CADM2: variants seen among roughly 807,000 people sequenced by gnomAD.
The protein encoded by CADM2 is cell adhesion molecule 2.
CADM2 carries 12 observed loss-of-function variants against 49.8 expected under a neutral mutation model. The ratio of observed to expected loss-of-function variants is 0.24; its 90% CI spans 0.15 to 0.39. The LOEUF is 0.39. Ranked by LOEUF, CADM2 falls within the 10% of genes least tolerant of loss-of-function variation. CADM2 has a pLI of 1.00. For missense variants in CADM2, 378 were observed against 492.3 expected, an observed-to-expected ratio of 0.77 and a Z score of 2.20; for synonymous variants, 214 against 175.4, an observed-to-expected ratio of 1.22 and a Z score of -1.74.
At chr3:85,345,175 C>T (rs949823525) in intron 1 of CADM2, among the ~76,000 whole-genome samples, 3 of 151,610 alleles carry the variant, frequency 2.0e-5, no homozygotes, top group African/African-American at 7.3e-5. Flanking sequence ...GTTAGCTGAG[C>T]ATGGTGTGTG....
chr3:85,892,461 G>A (rs538985056), intron 5 of CADM2, among the ~76,000 whole-genome samples: 1 of 152,096 alleles, frequency 6.6e-6, no homozygotes, highest in African/African-American at 2.4e-5. Flanking sequence ...GGAAGGACTT[G>A]GTGGGAGGTA....
At chr3:85,148,195 G>A (rs970094042) in intron 1 of CADM2, among the ~76,000 whole-genome samples, 5 of 152,086 alleles carry the variant, frequency 3.3e-5, no homozygotes, top group African/African-American at 1.2e-4. Flanking sequence ...GATTCTCTCA[G>A]CTGTACGGGC....
intron 1 of CADM2, among the ~76,000 whole-genome samples, chr3:85,325,871 A>G (rs2044738046): frequency 6.6e-6 from 1 of 152,182 alleles, no homozygotes; most frequent in Non-Finnish European, 1.5e-5. Context: ...AAAATGAGTA[A>G]AATTCTTATA....
In CADM2 at chr3:84,968,471, A is replaced by T. The variant is rs529231930; in HGVS notation, c.61+8803A>T. Among the ~76,000 whole-genome samples the T allele has an allele frequency of 3.5e-4, 53 of 152,106 alleles. No homozygotes were observed. The Middle Eastern group carries it at 0.01, about 29-fold the overall frequency. On this transcript the variant is annotated intron_variant, in intron 1 of 9. Transcript: ENST00000383699. ...GGCTGTAAGTTCACTGTCATGTATT[A>T]ATGTGTAGGTGGTATTCAGAGAAGG...
intron 1 of CADM2, among the ~76,000 whole-genome samples, chr3:85,636,938 T>C (rs989849274): frequency 6.6e-6 from 1 of 152,176 alleles, no homozygotes; most frequent in Non-Finnish European, 1.5e-5. Context: ...TCTCAGAATG[T>C]ATTCCTAACA....
chr3:86,020,552 C>G (rs969943489), intron 8 of CADM2, among the ~76,000 whole-genome samples: 3 of 151,116 alleles, frequency 2.0e-5, no homozygotes, highest in Non-Finnish European at 4.4e-5. Context: ...AATTTTAGAC[C>G]AATATCCTTG....
chr3:85,291,265 C>G (rs949683908), intron 1 of CADM2, among the ~76,000 whole-genome samples: 4 of 151,846 alleles, frequency 2.6e-5, no homozygotes, highest in African/African-American at 9.7e-5. Context: ...ATGAGCAAAG[C>G]CTCCAAGAAA....
At chr3:85,371,276 C>T (rs2033207143) in intron 1 of CADM2, among the ~76,000 whole-genome samples, 2 of 152,086 alleles carry the variant, frequency 1.3e-5, no homozygotes, top group Admixed American at 1.3e-4. Flanking sequence ...AGAGAAGCTT[C>T]CAGTCCTGCA....
chr3:85,849,147 C>T (rs867688991), intron 3 of CADM2, among the ~76,000 whole-genome samples: 8 of 152,262 alleles, frequency 5.3e-5, no homozygotes, highest in Middle Eastern at 3.4e-3. Flanking sequence ...AGCAAGCCAC[C>T]TCTGTCACAG....
At chr3:85,783,652 A>G (rs538818496) in intron 2 of CADM2, among the ~76,000 whole-genome samples, 1 of 152,212 alleles carries the variant, frequency 6.6e-6, no homozygotes, top group Non-Finnish European at 1.5e-5. Flanking sequence ...TCCTCATTAC[A>G]TAAGCATTAT....
chr3:85,719,178 T>C (rs917176859), intron 1 of CADM2, among the ~76,000 whole-genome samples: 3 of 152,174 alleles, frequency 2.0e-5, no homozygotes, highest in African/African-American at 7.2e-5. Context: ...ATTACTTTCA[T>C]TGTGCTTGTT....
intron 1 of CADM2, among the ~76,000 whole-genome samples, chr3:85,401,295 G>A (rs1046873439): frequency 6.6e-6 from 1 of 152,198 alleles, no homozygotes; most frequent in Non-Finnish European, 1.5e-5. Flanking sequence ...CAGTGTCTTA[G>A]TAGACGGTCA....
chr3:85,417,397 G>A (rs926845757), intron 1 of CADM2, among the ~76,000 whole-genome samples: 27 of 152,032 alleles, frequency 1.8e-4, no homozygotes, highest in African/African-American at 6.3e-4. Flanking sequence ...AACACGAATC[G>A]AGGCCCAACA....
intron 1 of CADM2, among the ~76,000 whole-genome samples, chr3:85,326,405 T>C (rs1014840692): frequency 2.0e-5 from 3 of 152,296 alleles, no homozygotes; most frequent in Non-Finnish European, 2.9e-5. Flanking sequence ...TTGAATAGTC[T>C]TTCATAAAAG....
intron 1 of CADM2, among the ~76,000 whole-genome samples, chr3:85,071,917 C>T (rs1028970562): frequency 7.3e-5 from 11 of 151,242 alleles, no homozygotes; most frequent in African/African-American, 2.7e-4. Context: ...TTATTTTTAT[C>T]ACCACAGTCA....
At chr3:85,898,937 G>GTGTGTA (rs796467067) in intron 5 of CADM2, among the ~76,000 whole-genome samples, 6 of 46,698 alleles carry the variant, frequency 1.3e-4, no homozygotes, top group South Asian at 9.0e-4. Context: ...CATTTATTGT[G>GTGTGTA]TATATATATA....
At chr3:85,367,751 C>G (rs898447329) in intron 1 of CADM2, among the ~76,000 whole-genome samples, 2 of 151,434 alleles carry the variant, frequency 1.3e-5, no homozygotes, top group Non-Finnish European at 2.9e-5. Flanking sequence ...GGAGTGATGC[C>G]AAAATAAAAG....
rs149292767 is a variant in CADM2 at position 85,888,474 on chromosome 3, A to T, written c.529+2147A>T. ...GATCAGAACAACAATGAAGACAGAA[A>T]CAGGTACAGAATCAGAATATGGTTC... On this transcript the variant is annotated intron_variant, in intron 5 of 9. Coordinates refer to ENST00000383699, the MANE Select transcript of CADM2 (RefSeq NM_001167675.2). Among the ~76,000 whole-genome samples the T allele has an allele frequency of 5.9e-5, 9 of 152,322 alleles. 1 individual carries two copies. In the East Asian group the frequency reaches 1.7e-3, roughly 29 times the overall value.
chr3:85,462,380 G>T (rs1042369336), intron 1 of CADM2, among the ~76,000 whole-genome samples: 4 of 152,020 alleles, frequency 2.6e-5, no homozygotes, highest in Non-Finnish European at 5.9e-5. Context: ...TCCATTAAGC[G>T]GTATTTCTTG....
Sources: allele counts gnomAD v4.1 joint callset (sites outside exome capture counted in the v4.1 genomes callset), GRCh38; gene constraint gnomAD v4.1.1; transcripts MANE v1.5; gene names NCBI Gene and HGNC (gene_info 2026-07-23, HGNC 2026-07-21).